RELN: variants seen among roughly 807,000 people sequenced by gnomAD.
RELN encodes the protein reelin.
Under a neutral mutation model 427.6 loss-of-function variants are expected in RELN, and 108 were observed. The ratio of observed to expected loss-of-function variants is 0.25; its 90% CI spans 0.22 to 0.30. RELN has a LOEUF of 0.30. Among genes scored for constraint, RELN ranks in the 10% least tolerant of loss-of-function variants. The pLI is 1.00. For synonymous variants in RELN, 1,524 were observed against 1,513.4 expected (o/e 1.01, Z -0.16); for missense variants, 3,715 against 4,302.8 (o/e 0.86, Z 3.82).
At chr7:103,870,082 G>T (rs916178639) in intron 2 of RELN, among the ~76,000 whole-genome samples, 3 of 151,852 alleles carry the variant, frequency 2.0e-5, no homozygotes, top group Admixed American at 1.3e-4. Context: ...TTTCGGTTTG[G>T]TTTTTTTATT....
chr7:103,949,482 T>A (rs1796290848), intron 1 of RELN, among the ~76,000 whole-genome samples: 1 of 152,120 alleles, frequency 6.6e-6, no homozygotes. Context: ...CGAACGCGAT[T>A]AGTGCTCTTA....
chr7:103,589,761 G>A lies in RELN; in HGVS notation c.3980C>T (p.Ala1327Val), dbSNP rs959509012. 6.2e-7 allele frequency: 1 copy of A among 1,613,600 alleles called. No individual in the cohort carries two copies. The highest frequency in any genetic ancestry group is 1.3e-5 in the African/African-American group (1 of 74,914). Reference sequence around the variant, plus strand: ...TTTCACCAGAAACCAGGACATACCAGCATCATGAGAGTACTGAAGAAGAAC... The same window carrying A: ...TTTCACCAGAAACCAGGACATACCAACATCATGAGAGTACTGAAGAAGAAC... ...APVLLQYSHD[A>V]GMSWFLVKEG... Residue 1327 changes from alanine (A) to valine (V), a missense_variant, in exon 28 of 65, where the codon GCT becomes GTT. Physicochemically the swap from Ala to Val is moderately conservative, Grantham distance 64 (BLOSUM62 0). Transcript: ENST00000428762.
intron 10 of RELN, among the ~76,000 whole-genome samples, chr7:103,688,494 T>C (rs139561822): frequency 1.2e-3 from 176 of 152,246 alleles, no homozygotes; most frequent in African/African-American, 4.2e-3. Context: ...GTCAGGGGGT[T>C]ATATTTCCAA....
In RELN at chr7:103,682,305, T is replaced by G. The variant is rs542220294; in HGVS notation, c.1144-44A>C. On this transcript the variant is annotated intron_variant, in intron 10 of 64. Transcript: ENST00000428762. ...CACGGGGTGGCTGTTGAATTGGTGT[T>G]GTAGCTGTATCTGTCTTACTCATGT... The G allele has an allele frequency of 1.4e-5, 22 of 1,607,484 alleles. No individual in the cohort carries two copies. In the South Asian group the frequency reaches 2.4e-4, roughly 18 times the overall value.
chr7:103,851,390 T>C (rs1338429402), intron 2 of RELN, among the ~76,000 whole-genome samples: 1 of 152,150 alleles, frequency 6.6e-6, no homozygotes, highest in Non-Finnish European at 1.5e-5. Context: ...CAATGTATAC[T>C]TCTCAGGTGA....
rs565166657 is a variant in RELN at position 103,675,117 on chromosome 7, T to C, written c.1289+6999A>G. Among the ~76,000 whole-genome samples, 31 of 152,308 alleles carry C rather than the reference T, an allele frequency of 2.0e-4. No individual in the cohort carries two copies. In the South Asian group the frequency reaches 3.1e-3, roughly 15 times the overall value. ...AAATTGTCTCTGTTTGCAGATGACA[T>C]GATTGTATATTTAGAAAACCCCACT... On this transcript the variant is annotated intron_variant, in intron 11 of 64. Coordinates refer to ENST00000428762, the MANE Select transcript of RELN (RefSeq NM_005045.4).
At chr7:103,840,476 G>A (rs938451822) in intron 2 of RELN, among the ~76,000 whole-genome samples, 2 of 152,314 alleles carry the variant, frequency 1.3e-5, no homozygotes, top group Middle Eastern at 3.4e-3. Context: ...TAAAATGCTG[G>A]TCATGATCAC....
At chr7:103,579,939 T>A (rs1006038448) in intron 28 of RELN, among the ~76,000 whole-genome samples, 1 of 152,174 alleles carries the variant, frequency 6.6e-6, no homozygotes, top group Non-Finnish European at 1.5e-5. Flanking sequence ...TTTTGCACTC[T>A]ACATAGTGTA....
At chr7:103,499,124 T>TAAGTCA (rs1828938049) in intron 53 of RELN, among the ~76,000 whole-genome samples, 1 of 152,130 alleles carries the variant, frequency 6.6e-6, no homozygotes, top group Non-Finnish European at 1.5e-5. Context: ...TCTCTCTATA[T>TAAGTCA]AAGTCAAAAG....
At chr7:103,870,423 G>A (rs951788114) in intron 2 of RELN, among the ~76,000 whole-genome samples, 2 of 151,854 alleles carry the variant, frequency 1.3e-5, no homozygotes, top group African/African-American at 4.8e-5. Flanking sequence ...ACTTGTGTGA[G>A]CTCTGCTTTA....
chr7:103,954,192 G>A (rs1796388784), intron 1 of RELN, among the ~76,000 whole-genome samples: 1 of 152,098 alleles, frequency 6.6e-6, no homozygotes, highest in Admixed American at 6.5e-5. Flanking sequence ...CCTGGGAGGC[G>A]GAGGTTGCAG....
rs2075043 is a variant in RELN, at chr7:103,540,425, A to G, written c.6702T>C (p.Cys2234=). The G allele has an allele frequency of 0.055, 88,567 of 1,613,844 alleles. 3,531 individuals are homozygous for G. Among genetic ancestry groups the G allele is most frequent in the East Asian group, 0.2 (9,196 of 44,864 alleles). The change falls in exon 44 of 65, where the codon TGT becomes TGC. Residue 2234 remains cysteine (C), a synonymous_variant. Transcript: ENST00000428762. Reference sequence around the variant, plus strand: ...TCCTGGGGTCAGGAACGCCTTTACCACATCCCAGTCTCATGAAGAACTGCA... The same window carrying G: ...TCCTGGGGTCAGGAACGCCTTTACCGCATCCCAGTCTCATGAAGAACTGCA... ...RFVQFFMRLG[C]GKGVPDPRSQ...
chr7:103,525,810 T>A (rs566130392), intron 46 of RELN, among the ~76,000 whole-genome samples: 33 of 152,256 alleles, frequency 2.2e-4, no homozygotes, highest in Non-Finnish European at 4.0e-4. Flanking sequence ...TAATAAACTT[T>A]CTTGGTTCCC....
At chr7:103,692,483 A>T (rs1833892685) in intron 10 of RELN, among the ~76,000 whole-genome samples, 1 of 152,048 alleles carries the variant, frequency 6.6e-6, no homozygotes, top group Admixed American at 6.6e-5. Context: ...AGGATCTGAA[A>T]CTAGTTGGGA....
At chr7:103,957,263 A>T (rs1796452519) in intron 1 of RELN, among the ~76,000 whole-genome samples, 1 of 152,224 alleles carries the variant, frequency 6.6e-6, no homozygotes. Context: ...AAATAAATGA[A>T]GGAAAACGAA....
At chr7:103,532,257 C>T (rs1016967802) in intron 46 of RELN, among the ~76,000 whole-genome samples, 2 of 152,054 alleles carry the variant, frequency 1.3e-5, no homozygotes, top group Non-Finnish European at 2.9e-5. Context: ...CACATGGACA[C>T]ACAAGGGGGG....
rs1370665583 is a variant in RELN, at chr7:103,723,202, A to G, written c.754-11T>C. The G allele has an allele frequency of 1.3e-6, 2 of 1,527,450 alleles. No homozygotes were observed. Among genetic ancestry groups the G allele is most frequent in the Non-Finnish European group, 1.8e-6 (2 of 1,101,790 alleles). 94.6% of individuals were successfully genotyped at this position (1,527,450 alleles called of 1,614,324 possible). On this transcript the variant is annotated splice_polypyrimidine_tract_variant and intron_variant, in intron 7 of 64. Coordinates refer to ENST00000428762, the MANE Select transcript of RELN (RefSeq NM_005045.4). ...AAGGCCTGTGGTAATCTAAAGAAAA[A>G]AGAATACATAAAAATAAGACAAGAC...
chr7:103,475,059 A>C (rs570469016), intron 64 of RELN, among the ~76,000 whole-genome samples: 2 of 152,174 alleles, frequency 1.3e-5, no homozygotes, highest in East Asian at 3.9e-4. Context: ...GCTTAATCTT[A>C]TTCTGCCCTT....
At chr7:103,827,584 C>T (rs902417876) in intron 3 of RELN, among the ~76,000 whole-genome samples, 25 of 152,068 alleles carry the variant, frequency 1.6e-4, no homozygotes, top group African/African-American at 5.8e-4. Flanking sequence ...ACACATTAGA[C>T]CCTGAACTTA....
Sources: gnomAD v4.1 joint callset for allele counts (sites outside exome capture counted in the v4.1 genomes callset) on GRCh38, gnomAD v4.1.1 for gene constraint, MANE v1.5 for transcripts, NCBI Gene and HGNC (gene_info 2026-07-23, HGNC 2026-07-21) for gene names.